The following AFDN variants were observed in gnomAD, a reference collection of about 807,000 sequenced individuals.
AFDN encodes the protein afadin.
In AFDN, 68 loss-of-function variants were observed where a neutral mutation model predicts 216.6. The observed-to-expected ratio is 0.31, with a 90% CI of 0.26 to 0.38. The LOEUF (loss-of-function observed/expected upper bound fraction) is 0.38. Ranked by LOEUF, AFDN falls within the 10% of genes least tolerant of loss-of-function variation. The pLI, the probability that AFDN is intolerant of heterozygous loss-of-function variation, is 1.00. For missense variants in AFDN, 2,136 were observed against 2,342.0 expected, an observed-to-expected ratio of 0.91 and a Z score of 1.82; for synonymous variants, 868 against 853.7, an observed-to-expected ratio of 1.02 and a Z score of -0.29.
intron 4 of AFDN, 145 bp from the exon 5 acceptor site, chr6:167,875,190 T>A: frequency 1.6e-6 from 1 of 634,886 alleles, no homozygotes; most frequent in South Asian, 2.0e-5. Context: ...GTAATTAGCA[T>A]GTGGTAAATA....
At chr6:167,870,935 T>C (rs1294122099) in intron 3 of AFDN, among the ~76,000 whole-genome samples, 1 of 152,198 alleles carries the variant, frequency 6.6e-6, no homozygotes, top group Non-Finnish European at 1.5e-5. Flanking sequence ...CTTTCTTGAA[T>C]GATGGAATAG....
chr6:167,894,853 G>A (rs1307934131), intron 9 of AFDN, among the ~76,000 whole-genome samples: 1 of 152,084 alleles, frequency 6.6e-6, no homozygotes, highest in African/African-American at 2.4e-5. Context: ...TTCAGAATTC[G>A]GAAGAATATG....
chr6:167,933,923 A>G (rs570800053), intron 23 of AFDN, among the ~76,000 whole-genome samples: 26 of 152,168 alleles, frequency 1.7e-4, no homozygotes, highest in Non-Finnish European at 2.6e-4. Flanking sequence ...GGCTTGCCCC[A>G]TCTCTCTCAG....
intron 30 of AFDN, among the ~76,000 whole-genome samples, chr6:167,954,851 A>C (rs1796337443): frequency 6.6e-6 from 1 of 152,234 alleles, no homozygotes; most frequent in Non-Finnish European, 1.5e-5. Flanking sequence ...TAGATTTTAA[A>C]TATTCAGTTG....
chr6:167,908,626 G>A (rs1371132509), intron 13 of AFDN, among the ~76,000 whole-genome samples: 1 of 152,124 alleles, frequency 6.6e-6, no homozygotes, highest in African/African-American at 2.4e-5. Flanking sequence ...TTAGGATAAT[G>A]CTTTTAATAT....
In AFDN at chr6:167,962,423, C is replaced by T; in HGVS notation, c.4834-10C>T. Reference sequence around the variant, plus strand: ...TTTGTGGAGGGAGATTAATGTCAGCCTGTTGTTAGTTGCAGGACGAGGAGC... The same window carrying T: ...TTTGTGGAGGGAGATTAATGTCAGCTTGTTGTTAGTTGCAGGACGAGGAGC... On this transcript the variant is annotated splice_polypyrimidine_tract_variant and intron_variant, in intron 30 of 33. Coordinates refer to ENST00000683244, the MANE Select transcript of AFDN (RefSeq NM_001386888.1). The surrounding 1 kb of genome is among the most constrained non-coding windows in gnomAD (Gnocchi z 5.2). The T allele has an allele frequency of 6.2e-7, 1 of 1,613,230 alleles. No individual in the cohort carries two copies. Among genetic ancestry groups the T allele is most frequent in the South Asian group, 1.1e-5 (1 of 91,048 alleles).
chr6:167,862,617 C>T (rs1053131960), intron 1 of AFDN, among the ~76,000 whole-genome samples: 8 of 152,188 alleles, frequency 5.3e-5, no homozygotes, highest in East Asian at 1.9e-4. Flanking sequence ...TCAGGTGATC[C>T]GCCCACCTCG....
chr6:167,856,606 T>A (rs1043082684), intron 1 of AFDN, among the ~76,000 whole-genome samples: 1 of 152,130 alleles, frequency 6.6e-6, no homozygotes, highest in Admixed American at 6.6e-5. Flanking sequence ...AGCCATGTAT[T>A]TGAAGAAAGT....
chr6:167,943,571 C>T (rs541052499), intron 25 of AFDN, 96 bp downstream of exon 25: 76 of 960,394 alleles, frequency 7.9e-5, no homozygotes, highest in South Asian at 5.9e-4. Context: ...TATGCTAAAA[C>T]GTGCTCATAT....
intron 8 of AFDN, among the ~76,000 whole-genome samples, chr6:167,891,404 G>GTGTGT (rs1554293335): frequency 1.4e-5 from 2 of 138,072 alleles, no homozygotes; most frequent in Admixed American, 7.1e-5. Flanking sequence ...TTCATAAAGG[G>GTGTGT]GTGGGTGTGT....
intron 1 of AFDN, among the ~76,000 whole-genome samples, chr6:167,845,172 C>G (rs899086547): frequency 6.6e-6 from 1 of 152,168 alleles, no homozygotes; most frequent in African/African-American, 2.4e-5. Context: ...GGGCATCTTT[C>G]ATGAATGTTT....
intron 23 of AFDN, 140 bp from the exon 24 acceptor site, chr6:167,942,989 C>T (rs530248779): frequency 1.7e-6 from 1 of 587,722 alleles, no homozygotes; most frequent in Admixed American, 3.5e-5. Flanking sequence ...TTGTAATTTT[C>T]ATGTAAAAAT....
chr6:167,923,306 A>C (rs920194897), intron 22 of AFDN: 7 of 163,392 alleles, frequency 4.3e-5, no homozygotes, highest in African/African-American at 1.7e-4. Flanking sequence ...ATTCTTTTAT[A>C]GTCAGTTCTG....
chr6:167,890,762 A>T, intron 7 of AFDN, 100 bp from the exon 8 acceptor site: 1 of 1,106,252 alleles, frequency 9.0e-7, no homozygotes, highest in Non-Finnish European at 1.3e-6. Context: ...CCTAAATTAC[A>T]TGCATCTTTT....
intron 31 of AFDN, chr6:167,964,917 C>T (rs1035750556): frequency 9.4e-7 from 1 of 1,060,680 alleles, no homozygotes; most frequent in African/African-American, 1.6e-5. Context: ...TGTGCTGTTA[C>T]CTTTTTTAAT....
chr6:167,836,826 T>C lies in AFDN; in HGVS notation c.105+9589T>C, dbSNP rs190748142. ...ATTTATCAGAACAATATAATACAGA[T>C]AAAAAATTGTAGTTGGTGAATATAT... On this transcript the variant is annotated intron_variant, in intron 1 of 33. Transcript: ENST00000683244. Among the ~76,000 whole-genome samples the C allele has an allele frequency of 6.8e-4, 103 of 152,312 alleles. 2 individuals carry two copies. The highest frequency in any genetic ancestry group is 2.4e-3 in the African/African-American group (101 of 41,576).
intron 1 of AFDN, among the ~76,000 whole-genome samples, chr6:167,848,967 A>G (rs1003123223): frequency 1.3e-5 from 2 of 152,166 alleles, no homozygotes; most frequent in African/African-American, 4.8e-5. Flanking sequence ...ATACAGCAGG[A>G]TGAGACGCAG....
At chr6:167,945,914 A>G (rs1795203021) in intron 26 of AFDN, among the ~76,000 whole-genome samples, 1 of 152,196 alleles carries the variant, frequency 6.6e-6, no homozygotes, top group African/African-American at 2.4e-5. Context: ...ATAGACTTCT[A>G]AATATGGCCT....
rs76135828 is a variant in AFDN, at chr6:167,841,427, G to C, written c.105+14190G>C. Among the ~76,000 whole-genome samples, 46 of 152,158 alleles carry C rather than the reference G, an allele frequency of 3.0e-4. 1 individual carries two copies. The East Asian group carries it at 8.9e-3, about 30-fold the overall frequency. Reference sequence around the variant, plus strand: ...AGAAAGCCTGAGAACAAAATATCTTGTGGGCTGGGGAAGGGGAACTGGCTA... The same window carrying C: ...AGAAAGCCTGAGAACAAAATATCTTCTGGGCTGGGGAAGGGGAACTGGCTA... On this transcript the variant is annotated intron_variant, in intron 1 of 33. Transcript: ENST00000683244.
Sources: gnomAD v4.1 joint callset for allele counts (sites outside exome capture counted in the v4.1 genomes callset) on GRCh38, gnomAD v4.1.1 for gene constraint, Gnocchi (gnomAD v3.1) non-coding constraint, MANE v1.5 for transcripts, NCBI Gene and HGNC (gene_info 2026-07-23, HGNC 2026-07-21) for gene names.